Variants in NDUFAB1 observed in about 807,000 individuals in gnomAD.
The protein encoded by NDUFAB1 is NADH:ubiquinone oxidoreductase subunit AB1, also known as acyl carrier protein, mitochondrial.
In NDUFAB1, 5 loss-of-function variants were observed where a neutral mutation model predicts 16.1. That is an observed-to-expected ratio of 0.31 (90% CI 0.16 to 0.65). The LOEUF (loss-of-function observed/expected upper bound fraction) is 0.65, where lower values mean the gene tolerates loss of function less well. Among genes scored for constraint, NDUFAB1 ranks in the 30% least tolerant of loss-of-function variants. NDUFAB1 has a pLI of 0.77. For missense variants in NDUFAB1, 187 were observed against 205.3 expected, an observed-to-expected ratio of 0.91 and a Z score of 0.54; for synonymous variants, 85 against 78.4, an observed-to-expected ratio of 1.08 and a Z score of -0.44.
At chr16:23,587,381 C>T (rs946848848) in intron 1 of NDUFAB1, 62 bp from the exon 2 acceptor site, 1 of 1,570,122 alleles carries the variant, frequency 6.4e-7, no homozygotes, top group Admixed American at 1.9e-5. Flanking sequence ...AATCAATGCA[C>T]AAGCCTATAG....
chr16:23,584,271 AAAAG>A (rs1367156487), intron 3 of NDUFAB1, among the ~76,000 whole-genome samples: 5 of 138,218 alleles, frequency 3.6e-5, no homozygotes, highest in Non-Finnish European at 6.3e-5. Flanking sequence ...AAAAAAAAAA[AAAAG>A]AAACCCAGTG....
chr16:23,584,261 A>AAAAAAAAAAT (rs1597052907), intron 3 of NDUFAB1, among the ~76,000 whole-genome samples: 1 of 131,788 alleles, frequency 7.6e-6, no homozygotes, highest in East Asian at 2.2e-4. Flanking sequence ...CAATTAAAAA[A>AAAAAAAAAAT]AAAAAAAAAA....
chr16:23,589,892 T>C (rs1160209815), intron 1 of NDUFAB1, among the ~76,000 whole-genome samples: 2 of 137,346 alleles, frequency 1.5e-5, no homozygotes, highest in Admixed American at 8.3e-5. Flanking sequence ...ACTGAGATCA[T>C]GGCTCTACAC....
In NDUFAB1 at chr16:23,592,298, C is replaced by A. The variant is rs1192536436; in HGVS notation, c.168+3825G>T. On this transcript the variant is annotated intron_variant, in intron 1 of 4. Transcript: ENST00000007516. ...GTTTGAAGCTGCACTGATATATGATCATGCCACTGCACTCCAGCCTAAGTG... is the reference window on the plus strand; with the variant it reads ...GTTTGAAGCTGCACTGATATATGATAATGCCACTGCACTCCAGCCTAAGTG... 1.1e-4 allele frequency among the ~76,000 whole-genome samples: 16 copies of A among 148,084 alleles called. No individual in the cohort carries two copies. The Admixed American group carries it at 1.1e-3, about 10-fold the overall frequency.
chr16:23,584,343 A>T (rs1168811427), intron 3 of NDUFAB1, among the ~76,000 whole-genome samples: 1 of 142,632 alleles, frequency 7.0e-6, no homozygotes, highest in Middle Eastern at 3.6e-3. Context: ...TGTACTTTCT[A>T]TCTCTGGATT....
intron 1 of NDUFAB1, among the ~76,000 whole-genome samples, chr16:23,593,810 A>C (rs1427862273): frequency 6.6e-6 from 1 of 152,180 alleles, no homozygotes; most frequent in African/African-American, 2.4e-5. Context: ...AATCTTAGGA[A>C]CCAGACACTC....
At chr16:23,581,406 C>T (rs1411260786) in intron 4 of NDUFAB1, among the ~76,000 whole-genome samples, 1 of 151,934 alleles carries the variant, frequency 6.6e-6, no homozygotes, top group Non-Finnish European at 1.5e-5. Context: ...ATTAGCTGGG[C>T]GTGGAGGTGC....
In NDUFAB1 at chr16:23,587,628, C is replaced by T. The variant is rs3826264; in HGVS notation, c.169-309G>A. Among the ~76,000 whole-genome samples the T allele has an allele frequency of 3.3e-3, 496 of 152,352 alleles. 11 individuals carry two copies. In the East Asian group the frequency reaches 0.034, roughly 10 times the overall value. On this transcript the variant is annotated intron_variant, in intron 1 of 4. Coordinates refer to ENST00000007516, the MANE Select transcript of NDUFAB1 (RefSeq NM_005003.3). ...ACTAACTGCCACTAAAATTGTCTAG[C>T]GTCTGCAGAATGCCTGTGTCTTCTC...
At chr16:23,589,475 G>T (rs1157185372) in intron 1 of NDUFAB1, among the ~76,000 whole-genome samples, 1 of 152,078 alleles carries the variant, frequency 6.6e-6, no homozygotes, top group Non-Finnish European at 1.5e-5. Context: ...TTTTATACAG[G>T]CACATGACCG....
At chr16:23,582,869 C>A (rs955020179) in intron 3 of NDUFAB1, among the ~76,000 whole-genome samples, 7 of 145,750 alleles carry the variant, frequency 4.8e-5, no homozygotes, top group African/African-American at 1.8e-4. Flanking sequence ...GATGCCGAGC[C>A]GAAGCTGGAC....
chr16:23,587,122 T>C, intron 2 of NDUFAB1, 75 bp downstream of exon 2: 1 of 1,459,084 alleles, frequency 6.9e-7, no homozygotes. Context: ...ACTGAGTATC[T>C]TTCCCTTTGC....
intron 2 of NDUFAB1, among the ~76,000 whole-genome samples, chr16:23,586,527 G>C (rs1447137525): frequency 6.6e-6 from 1 of 151,450 alleles, no homozygotes; most frequent in Non-Finnish European, 1.5e-5. Context: ...TAGAGATGGG[G>C]TTTCACCATC....
At chr16:23,593,849 CTTATTTAT>C (rs57003710) in intron 1 of NDUFAB1, among the ~76,000 whole-genome samples, 3,415 of 143,544 alleles carry the variant, frequency 0.024, 64 homozygotes, top group African/African-American at 0.053. Context: ...CTTTTTAACC[CTTATTTAT>C]TTATTTATTT....
At chr16:23,595,371 G>A in intron 1 of NDUFAB1, 1 of 359,048 alleles carries the variant, frequency 2.8e-6, no homozygotes, top group Non-Finnish European at 5.5e-6. Flanking sequence ...TCGTTCCTTG[G>A]TATTTGCGCA....
rs139571294 is a variant in NDUFAB1 at position 23,589,738 on chromosome 16, C to G, written c.169-2419G>C. ...TCTCTTGAGGTCAGGAGTTTAAGAC[C>G]AGCCTGCCCAACACAGTGAAACCTC... is the stretch of plus-strand genomic sequence containing the variant. On this transcript the variant is annotated intron_variant, in intron 1 of 4. Coordinates refer to ENST00000007516, the MANE Select transcript of NDUFAB1 (RefSeq NM_005003.3). Among the ~76,000 whole-genome samples the G allele has an allele frequency of 1.5e-4, 22 of 150,082 alleles. No homozygotes were observed. In the East Asian group the frequency reaches 4.1e-3, roughly 28 times the overall value.
intron 3 of NDUFAB1, among the ~76,000 whole-genome samples, chr16:23,584,129 C>G (rs1342448229): frequency 6.6e-6 from 1 of 150,820 alleles, no homozygotes; most frequent in Non-Finnish European, 1.5e-5. Context: ...GCGGAAGGCC[C>G]CAGGGTCCTC....
In NDUFAB1 at chr16:23,596,301, A is replaced by G. The variant is rs1966326673; in HGVS notation, c.-11T>C. On this transcript the variant is annotated 5_prime_UTR_variant, in exon 1 of 5. Coordinates refer to ENST00000007516, the MANE Select transcript of NDUFAB1 (RefSeq NM_005003.3). ...GACACGAGACGCCATGGCTACGCCA[A>G]CCCAGGATGCACTGCGCCGCCGCCT... 1 of 1,545,122 alleles carries G rather than the reference A, an allele frequency of 6.5e-7. No individual in the cohort carries two copies. The highest frequency in any genetic ancestry group is 1.2e-5 in the South Asian group (1 of 83,720).
chr16:23,582,024 A>G lies in NDUFAB1; in HGVS notation c.*8+252T>C, dbSNP rs540728218. 23 of 302,434 alleles carry G rather than the reference A, an allele frequency of 7.6e-5. No individual in the cohort carries two copies. In the South Asian group the frequency reaches 1.4e-3, roughly 18 times the overall value. 18.7% of individuals were successfully genotyped at this position (302,434 alleles called of 1,614,324 possible). A position where few individuals can be genotyped will look rare whatever the true frequency, so the allele number is the denominator to read the frequency against. ...CAGGTTACCCTGTTCAGTACTTTGTACAATGTTCTGCTTTTGTGAGGACAG... is the reference window on the plus strand; with the variant it reads ...CAGGTTACCCTGTTCAGTACTTTGTGCAATGTTCTGCTTTTGTGAGGACAG... On this transcript the variant is annotated intron_variant, in intron 4 of 4. Transcript: ENST00000007516.
chr16:23,591,162 G>GA (rs147338965), intron 1 of NDUFAB1: 12,865 of 151,478 alleles, frequency 0.085, 594 homozygotes, highest in East Asian at 0.17. Flanking sequence ...TGTTGATTGG[G>GA]AAAAAATAAA....
Sources: gnomAD v4.1 joint callset for allele counts (sites outside exome capture counted in the v4.1 genomes callset) on GRCh38, gnomAD v4.1.1 for gene constraint, MANE v1.5 for transcripts, NCBI Gene and HGNC (gene_info 2026-07-23, HGNC 2026-07-21) for gene names.